KCNIP4: variants seen among roughly 807,000 people sequenced by gnomAD.
KCNIP4 encodes Kv channel-interacting protein 4.
In KCNIP4, 12 loss-of-function variants were observed where a neutral mutation model predicts 34.0. The observed-to-expected ratio is 0.35, with a 90% CI of 0.23 to 0.57. The LOEUF is 0.57. Among genes scored for constraint, KCNIP4 ranks in the 20% least tolerant of loss-of-function variants. KCNIP4 has a pLI of 0.83. For synonymous variants in KCNIP4, 124 were observed against 102.2 expected (o/e 1.21, Z -1.29); for missense variants, 238 against 311.7 (o/e 0.76, Z 1.78).
intron 4 of KCNIP4, among the ~76,000 whole-genome samples, chr4:20,757,254 C>A (rs1383981873): frequency 6.6e-6 from 1 of 152,120 alleles, no homozygotes. Context: ...CCCCACTTCT[C>A]ATTTTCTCCT....
At chr4:21,101,314 A>G (rs1465818393) in intron 1 of KCNIP4, among the ~76,000 whole-genome samples, 1 of 152,070 alleles carries the variant, frequency 6.6e-6, no homozygotes, top group African/African-American at 2.4e-5. Flanking sequence ...CATGAGTAGT[A>G]TTTCATGTTG....
At chr4:21,850,258 A>T (rs192085703) in intron 1 of KCNIP4, 1 of 152,170 alleles carries the variant, frequency 6.6e-6, no homozygotes, top group African/African-American at 2.4e-5. Context: ...TCAGCAACTG[A>T]GAGACACTAA....
intron 1 of KCNIP4, among the ~76,000 whole-genome samples, chr4:21,284,799 A>G (rs1317102902): frequency 6.6e-6 from 1 of 151,888 alleles, no homozygotes; most frequent in Non-Finnish European, 1.5e-5. Context: ...GTTACCCAAA[A>G]GTAATCCTGC....
intron 1 of KCNIP4, among the ~76,000 whole-genome samples, chr4:21,388,191 C>T (rs1353529264): frequency 2.0e-5 from 3 of 150,070 alleles, no homozygotes; most frequent in African/African-American, 7.5e-5. Flanking sequence ...AACGGATTAC[C>T]ATCACTAAAA....
chr4:21,785,610 T>TA (rs138995021), intron 1 of KCNIP4, among the ~76,000 whole-genome samples: 39 of 147,656 alleles, frequency 2.6e-4, no homozygotes, highest in Non-Finnish European at 4.3e-4. Context: ...AATAAATAAA[T>TA]AAATAAAATA....
intron 1 of KCNIP4, among the ~76,000 whole-genome samples, chr4:20,888,959 T>C (rs1488864080): frequency 1.3e-5 from 2 of 152,198 alleles, no homozygotes. Context: ...GAATGTTACT[T>C]AATACAATAT....
chr4:20,862,918 T>C (rs1481329459), intron 2 of KCNIP4, among the ~76,000 whole-genome samples: 2 of 152,108 alleles, frequency 1.3e-5, no homozygotes, highest in Non-Finnish European at 2.9e-5. Flanking sequence ...AGCTAAAATA[T>C]AAGAACACAT....
Position 21,778,727 on chromosome 4 carries a change from C to T in KCNIP4, c.61+169844G>A, listed in dbSNP as rs2874962. Among the ~76,000 whole-genome samples, 539 of 152,148 alleles carry T rather than the reference C, an allele frequency of 3.5e-3. 3 individuals are homozygous for T. The highest frequency in any genetic ancestry group is 0.011 in the African/African-American group (457 of 41,498). ...TAAGGCATAATGTAAAAATCGGATTCTTGGAGGAACTAGGTGATATGATAC... is the reference window on the plus strand; with the variant it reads ...TAAGGCATAATGTAAAAATCGGATTTTTGGAGGAACTAGGTGATATGATAC... On this transcript the variant is annotated intron_variant, in intron 1 of 8. Coordinates refer to ENST00000382152, the MANE Select transcript of KCNIP4 (RefSeq NM_025221.6).
intron 1 of KCNIP4, among the ~76,000 whole-genome samples, chr4:21,935,099 T>G (rs113227807): frequency 1.8e-4 from 27 of 152,160 alleles, no homozygotes; most frequent in African/African-American, 4.8e-4. Flanking sequence ...TGCATGTCCT[T>G]GACTCCTGCT....
At chr4:21,187,017 G>A (rs1028672962) in intron 1 of KCNIP4, among the ~76,000 whole-genome samples, 1 of 152,130 alleles carries the variant, frequency 6.6e-6, no homozygotes, top group African/African-American at 2.4e-5. Context: ...AGGGTAGCAT[G>A]AGCATTTTCT....
intron 1 of KCNIP4, among the ~76,000 whole-genome samples, chr4:21,338,617 C>T (rs1483172297): frequency 6.7e-6 from 1 of 148,214 alleles, no homozygotes; most frequent in African/African-American, 2.5e-5. Context: ...AAAAAAAAAA[C>T]AAAAAACAAA....
At chr4:21,932,900 G>T (rs1729649326) in intron 1 of KCNIP4, among the ~76,000 whole-genome samples, 1 of 151,600 alleles carries the variant, frequency 6.6e-6, no homozygotes. Flanking sequence ...TCAAAATGAA[G>T]AACATGCCCT....
chr4:20,983,779 C>T, intron 1 of KCNIP4: 3 of 1,513,472 alleles, frequency 2.0e-6, no homozygotes, highest in Non-Finnish European at 2.7e-6. Context: ...TAAACCAGAC[C>T]TGCCCAACAG....
intron 1 of KCNIP4, among the ~76,000 whole-genome samples, chr4:21,386,482 C>T (rs1722046119): frequency 6.6e-6 from 1 of 152,106 alleles, no homozygotes; most frequent in Non-Finnish European, 1.5e-5. Flanking sequence ...CTCCTGTTGG[C>T]AAAACACATA....
chr4:21,438,571 T>C (rs567273367), intron 1 of KCNIP4, among the ~76,000 whole-genome samples: 4 of 152,308 alleles, frequency 2.6e-5, no homozygotes, highest in Non-Finnish European at 4.4e-5. Context: ...CAATATTGTA[T>C]GCTGAAAATA....
At chr4:21,284,758 G>C (rs1387370503) in intron 1 of KCNIP4, among the ~76,000 whole-genome samples, 2 of 150,818 alleles carry the variant, frequency 1.3e-5, no homozygotes, top group East Asian at 3.9e-4. Flanking sequence ...GTGTGTGTGT[G>C]TGCGTGTGTG....
chr4:20,767,143 A>C (rs1755485122), intron 3 of KCNIP4: 3 of 152,232 alleles, frequency 2.0e-5, no homozygotes, highest in African/African-American at 7.2e-5. Flanking sequence ...CCGATAGACC[A>C]AGGATAAATC....
chr4:20,988,000 CAAAAAAAAA>C (rs36044149), intron 1 of KCNIP4, among the ~76,000 whole-genome samples: 1 of 46,318 alleles, frequency 2.2e-5, no homozygotes, highest in Non-Finnish European at 4.0e-5. Context: ...GATTCCATCT[CAAAAAAAAA>C]AAAAAAAAAA....
chr4:21,124,633 C>A lies in KCNIP4; in HGVS notation c.62-241924G>T, dbSNP rs991279142. Reference sequence around the variant, plus strand: ...ATTATCCCCATATTCCTGGATCTGGCACTAATCAGGGCTAGCATAAAAGAA... The same window carrying A: ...ATTATCCCCATATTCCTGGATCTGGAACTAATCAGGGCTAGCATAAAAGAA... On this transcript the variant is annotated intron_variant, in intron 1 of 8. Coordinates refer to ENST00000382152, the MANE Select transcript of KCNIP4 (RefSeq NM_025221.6). 2.0e-5 allele frequency among the ~76,000 whole-genome samples: 3 copies of A among 152,124 alleles called. No individual in the cohort carries two copies. In the East Asian group the frequency reaches 5.8e-4, roughly 29 times the overall value.
Sources: allele counts gnomAD v4.1 joint callset (sites outside exome capture counted in the v4.1 genomes callset), GRCh38; gene constraint gnomAD v4.1.1; transcripts MANE v1.5; gene names NCBI Gene and HGNC (gene_info 2026-07-23, HGNC 2026-07-21).